The following DNAH6 variants were observed in gnomAD, a reference collection of about 807,000 sequenced individuals.
The protein encoded by DNAH6 is dynein axonemal heavy chain 6, also known as axonemal beta dynein heavy chain 6.
DNAH6 carries 340 observed loss-of-function variants against 491.4 expected under a neutral mutation model. The ratio of observed to expected loss-of-function variants is 0.69; its 90% CI spans 0.63 to 0.76. The LOEUF is 0.76. DNAH6 is among the 30% of genes least tolerant of loss of function. The probability of loss-of-function intolerance (pLI) is 0.00; values close to 1 mark genes in which losing one functional copy is unlikely to be tolerated. For synonymous variants in DNAH6, 1,603 were observed against 1,686.1 expected (o/e 0.95, Z 1.21); for missense variants, 4,443 against 4,972.2 (o/e 0.89, Z 3.20).
intron 37 of DNAH6, among the ~76,000 whole-genome samples, chr2:84,662,034 G>C (rs1403759594): frequency 6.6e-6 from 1 of 151,920 alleles, no homozygotes; most frequent in African/African-American, 2.4e-5. Context: ...TGGTTATATT[G>C]ATATTTACAT....
At chr2:84,555,533 C>T (rs1353028053) in intron 10 of DNAH6, among the ~76,000 whole-genome samples, 2 of 152,110 alleles carry the variant, frequency 1.3e-5, no homozygotes, top group Non-Finnish European at 2.9e-5. Flanking sequence ...TTTTTCTGTG[C>T]CAAGGATGCA....
intron 65 of DNAH6, among the ~76,000 whole-genome samples, chr2:84,784,440 C>G (rs558610628): frequency 5.8e-4 from 89 of 152,154 alleles, no homozygotes; most frequent in Non-Finnish European, 9.6e-4. Context: ...AGATAAGGCC[C>G]TTAATAGTTC....
intron 10 of DNAH6, among the ~76,000 whole-genome samples, chr2:84,555,660 A>G (rs1271456343): frequency 6.6e-6 from 1 of 152,136 alleles, no homozygotes; most frequent in African/African-American, 2.4e-5. Flanking sequence ...TCATCTGGAA[A>G]TCTTCACCTG....
At chr2:84,804,022 C>T (rs952862763) in intron 70 of DNAH6, among the ~76,000 whole-genome samples, 4 of 152,038 alleles carry the variant, frequency 2.6e-5, no homozygotes, top group Non-Finnish European at 4.4e-5. Context: ...GCCTGGCCAA[C>T]ATGGTGAAAC....
At chr2:84,648,643 A>G (rs1221246089) in intron 33 of DNAH6, among the ~76,000 whole-genome samples, 1 of 152,216 alleles carries the variant, frequency 6.6e-6, no homozygotes, top group Non-Finnish European at 1.5e-5. Flanking sequence ...TTAGAAGTGG[A>G]GCCTGAAGAT....
chr2:84,790,319 G>A (rs1229461433), intron 68 of DNAH6, among the ~76,000 whole-genome samples: 2 of 152,106 alleles, frequency 1.3e-5, no homozygotes, highest in African/African-American at 4.8e-5. Context: ...AGAAAGCTTT[G>A]GAGTGAATTG....
intron 42 of DNAH6, among the ~76,000 whole-genome samples, chr2:84,683,719 G>A (rs542331587): frequency 7.2e-5 from 11 of 152,088 alleles, no homozygotes; most frequent in South Asian, 2.1e-4. Flanking sequence ...CACTGCGCCC[G>A]GCCAATATTT....
intron 59 of DNAH6, among the ~76,000 whole-genome samples, chr2:84,718,774 A>C (rs899224246): frequency 3.9e-5 from 6 of 152,192 alleles, no homozygotes; most frequent in Non-Finnish European, 7.3e-5. Context: ...CTACTACAGC[A>C]CTTGACACTG....
At chr2:84,713,361 C>G in intron 57 of DNAH6, 102 bp downstream of exon 57, 1 of 1,174,636 alleles carries the variant, frequency 8.5e-7, no homozygotes. Context: ...AGTGCTCCCC[C>G]ATTCTCCCCT....
chr2:84,790,703 G>A (rs543936854), intron 68 of DNAH6, among the ~76,000 whole-genome samples: 1 of 152,128 alleles, frequency 6.6e-6, no homozygotes, highest in Non-Finnish European at 1.5e-5. Context: ...CACCTACTAG[G>A]ATGACTATAA....
chr2:84,681,466 T>G lies in DNAH6; in HGVS notation c.6854T>G (p.Leu2285Arg), dbSNP rs991471441. ...TATAACAAAATGAGTGTTGACCTCCTGCCAACACCCGCCAAGTCCCATTAT... is the reference window on the plus strand; with the variant it reads ...TATAACAAAATGAGTGTTGACCTCCGGCCAACACCCGCCAAGTCCCATTAT... The part of the protein sequence containing the change: ...EIYNKMSVDL[L>R]PTPAKSHYVF... Residue 2285 changes from leucine to arginine, a missense_variant, in exon 42 of 77, where the codon CTG (leucine) becomes CGG (arginine). Transcript: ENST00000389394. 29 of 1,551,398 alleles carry G rather than the reference T, an allele frequency of 1.9e-5. No individual in the cohort carries two copies. Among genetic ancestry groups the G allele is most frequent in the Non-Finnish European group, 2.3e-5 (26 of 1,146,840 alleles).
At chr2:84,586,780 C>T (rs931769186) in intron 15 of DNAH6, among the ~76,000 whole-genome samples, 2 of 152,262 alleles carry the variant, frequency 1.3e-5, no homozygotes, top group African/African-American at 2.4e-5. Context: ...TGGATTCAAG[C>T]GTAAGCAGTC....
chr2:84,780,784 T>TA (rs35332744), intron 64 of DNAH6, among the ~76,000 whole-genome samples: 4,099 of 147,624 alleles, frequency 0.028, 79 homozygotes, highest in South Asian at 0.061. Context: ...TGAGGCTTTT[T>TA]TTTTTGTATT....
chr2:84,790,431 T>G (rs1009844537), intron 68 of DNAH6, among the ~76,000 whole-genome samples: 3 of 152,046 alleles, frequency 2.0e-5, no homozygotes, highest in Non-Finnish European at 4.4e-5. Flanking sequence ...ACACACACCA[T>G]CAAGAAAGTG....
intron 2 of DNAH6, among the ~76,000 whole-genome samples, chr2:84,518,334 A>G (rs1231096190): frequency 1.3e-5 from 2 of 152,230 alleles, no homozygotes; most frequent in African/African-American, 2.4e-5. Context: ...TATGTATGCT[A>G]TTAGGCACTT....
intron 64 of DNAH6, among the ~76,000 whole-genome samples, chr2:84,771,914 C>T (rs1675661383): frequency 6.6e-6 from 1 of 152,162 alleles, no homozygotes; most frequent in South Asian, 2.1e-4. Context: ...AGCGTAACTA[C>T]ATAGGTAAAT....
intron 33 of DNAH6, among the ~76,000 whole-genome samples, chr2:84,646,362 AC>A (rs1184276087): frequency 6.6e-6 from 1 of 152,010 alleles, no homozygotes; most frequent in African/African-American, 2.4e-5. Context: ...CCAACTAATG[AC>A]CCTACAGTGG....
chr2:84,578,374 T>C (rs752849912), intron 13 of DNAH6, among the ~76,000 whole-genome samples: 10 of 152,186 alleles, frequency 6.6e-5, no homozygotes, highest in Non-Finnish European at 1.2e-4. Flanking sequence ...CTTGGATATG[T>C]ATTTACTGTA....
At chr2:84,611,554 A>G (rs1366744304) in intron 21 of DNAH6, 120 bp from the exon 22 acceptor site, 2 of 782,314 alleles carry the variant, frequency 2.6e-6, no homozygotes, top group Admixed American at 5.5e-5. Flanking sequence ...ACCTGTGAGG[A>G]GTCATAACAC....
Sources: allele counts gnomAD v4.1 joint callset (sites outside exome capture counted in the v4.1 genomes callset), GRCh38; gene constraint gnomAD v4.1.1; transcripts MANE v1.5; gene names NCBI Gene and HGNC (gene_info 2026-07-23, HGNC 2026-07-21).